NECAB1: variants seen among roughly 807,000 people sequenced by gnomAD.
NECAB1 encodes the protein N-terminal EF-hand calcium binding protein 1, also known as N-terminal EF-hand calcium-binding protein 1.
Under a neutral mutation model 57.5 loss-of-function variants are expected in NECAB1, and 29 were observed. The ratio of observed to expected loss-of-function variants is 0.50; its 90% confidence interval spans 0.38 to 0.69. NECAB1 has a LOEUF of 0.69. NECAB1 is among the 30% of genes least tolerant of loss of function. NECAB1 has a pLI of 0.00. For missense variants in NECAB1, 372 were observed against 413.8 expected (o/e 0.90, Z 0.88); for synonymous variants, 142 against 147.7 (o/e 0.96, Z 0.28).
chr8:90,805,511 G>GT lies in NECAB1; in HGVS notation c.124+3807dup, dbSNP rs398068031. On this transcript the variant is annotated intron_variant, in intron 2 of 12. Coordinates refer to ENST00000417640, the MANE Select transcript of NECAB1 (RefSeq NM_022351.5). ...CATCTTGGAGAGATTTTTTTGGTTG[G>GT]TTTTTTTTTTTAATCATAGGCTAGG... Among the ~76,000 whole-genome samples the GT allele has an allele frequency of 4.3e-3, 626 of 145,690 alleles. 2 individuals carry two copies. Among genetic ancestry groups the GT allele is most frequent in the Admixed American group, 0.02 (296 of 14,584 alleles).
intron 3 of NECAB1, among the ~76,000 whole-genome samples, chr8:90,839,052 AC>A (rs1812414130): frequency 6.6e-6 from 1 of 152,270 alleles, no homozygotes; most frequent in Non-Finnish European, 1.5e-5. Flanking sequence ...GATGATTGAT[AC>A]ATTTTATCAG....
At chr8:90,924,672 T>A (rs1340339945) in intron 6 of NECAB1, among the ~76,000 whole-genome samples, 1 of 152,166 alleles carries the variant, frequency 6.6e-6, no homozygotes, top group Non-Finnish European at 1.5e-5. Flanking sequence ...AAGATGTTTG[T>A]TGGCGATCCA....
intron 3 of NECAB1, among the ~76,000 whole-genome samples, chr8:90,853,727 A>G (rs1422838488): frequency 6.6e-6 from 1 of 152,200 alleles, no homozygotes; most frequent in African/African-American, 2.4e-5. Context: ...TTGCCAAACA[A>G]CAGGGGTTTG....
chr8:90,954,005 G>T (rs1160500973), intron 12 of NECAB1, among the ~76,000 whole-genome samples: 1 of 151,790 alleles, frequency 6.6e-6, no homozygotes, highest in Non-Finnish European at 1.5e-5. Context: ...GGAGGCAGAG[G>T]TTGCAGTGAA....
chr8:90,931,237 T>A (rs1365595733), intron 8 of NECAB1, among the ~76,000 whole-genome samples: 1 of 152,228 alleles, frequency 6.6e-6, no homozygotes, highest in East Asian at 1.9e-4. Context: ...AGTTTTCTTC[T>A]ACAACTTATT....
At chr8:90,914,074 C>T (rs1379433370) in intron 5 of NECAB1, among the ~76,000 whole-genome samples, 2 of 152,174 alleles carry the variant, frequency 1.3e-5, no homozygotes, top group African/African-American at 4.8e-5. Flanking sequence ...TGGTGCCTGA[C>T]TCTCCATGTG....
chr8:90,907,190 A>AGAGAGAGAGAG (rs1809710397), intron 5 of NECAB1, among the ~76,000 whole-genome samples: 1 of 80,824 alleles, frequency 1.2e-5, no homozygotes, highest in African/African-American at 5.3e-5. Context: ...GAGAGAGAGA[A>AGAGAGAGAGAG]TTAGTAGACT....
chr8:90,880,194 C>T (rs1808810729), intron 4 of NECAB1, among the ~76,000 whole-genome samples: 1 of 151,818 alleles, frequency 6.6e-6, no homozygotes, highest in African/African-American at 2.4e-5. Flanking sequence ...AATTTAGTTC[C>T]ACAAATACTG....
intron 5 of NECAB1, among the ~76,000 whole-genome samples, chr8:90,886,479 T>A (rs749150322): frequency 1.3e-5 from 2 of 152,080 alleles, no homozygotes; most frequent in Non-Finnish European, 2.9e-5. Context: ...TATACTTAGA[T>A]ATATTTGAAA....
chr8:90,932,727 G>A (rs962907335), intron 8 of NECAB1, among the ~76,000 whole-genome samples: 2 of 152,144 alleles, frequency 1.3e-5, no homozygotes, highest in Non-Finnish European at 2.9e-5. Flanking sequence ...ACAGGCATAT[G>A]TTATTTCAGA....
chr8:90,946,468 A>T (rs143568783), intron 10 of NECAB1, among the ~76,000 whole-genome samples: 304 of 152,348 alleles, frequency 2.0e-3, no homozygotes, highest in African/African-American at 7.2e-3. Context: ...TGACAACAGC[A>T]CCTTCCGGTA....
chr8:90,851,894 T>C (rs1303106654), intron 3 of NECAB1, among the ~76,000 whole-genome samples: 2 of 152,072 alleles, frequency 1.3e-5, no homozygotes, highest in Admixed American at 1.3e-4. Context: ...TAAAGAGTAA[T>C]TTCACTGCCC....
intron 5 of NECAB1, among the ~76,000 whole-genome samples, chr8:90,895,259 A>G (rs533406856): frequency 6.6e-6 from 1 of 152,328 alleles, no homozygotes; most frequent in East Asian, 1.9e-4. Flanking sequence ...ATACTCCTAC[A>G]ACACTCTTGG....
intron 5 of NECAB1, among the ~76,000 whole-genome samples, chr8:90,915,507 A>G (rs1362937765): frequency 6.6e-6 from 1 of 152,234 alleles, no homozygotes; most frequent in Non-Finnish European, 1.5e-5. Flanking sequence ...AGTTTCTTAA[A>G]TGGAGTTTAA....
chr8:90,812,679 T>G (rs956653704), intron 2 of NECAB1: 3 of 152,190 alleles, frequency 2.0e-5, no homozygotes, highest in African/African-American at 7.2e-5. Context: ...ATTTGGTTGA[T>G]TTTAAACTGA....
chr8:90,816,171 G>C (rs147814276), intron 2 of NECAB1, among the ~76,000 whole-genome samples: 1 of 151,910 alleles, frequency 6.6e-6, no homozygotes, highest in East Asian at 1.9e-4. Context: ...TAAAGTGTCT[G>C]TTTAGATCTT....
chr8:90,802,746 T>C (rs996436512), intron 2 of NECAB1, among the ~76,000 whole-genome samples: 1 of 152,202 alleles, frequency 6.6e-6, no homozygotes, highest in African/African-American at 2.4e-5. Flanking sequence ...GCATCCCAAG[T>C]CCCAATAATA....
At chr8:90,919,309 CTTAAA>C (rs1298106066) in intron 6 of NECAB1, among the ~76,000 whole-genome samples, 4 of 152,074 alleles carry the variant, frequency 2.6e-5, no homozygotes, top group Non-Finnish European at 5.9e-5. Context: ...ACTTTTACAT[CTTAAA>C]TTAGAGAGAA....
At chr8:90,914,540 C>A (rs1423416845) in intron 5 of NECAB1, among the ~76,000 whole-genome samples, 1 of 152,124 alleles carries the variant, frequency 6.6e-6, no homozygotes, top group Admixed American at 6.5e-5. Flanking sequence ...AACCCACCCA[C>A]CACCCCTCTC....
Sources: allele counts gnomAD v4.1 joint callset (sites outside exome capture counted in the v4.1 genomes callset), GRCh38; gene constraint gnomAD v4.1.1; transcripts MANE v1.5; gene names NCBI Gene and HGNC (gene_info 2026-07-23, HGNC 2026-07-21).